IMMP2L: variants seen among roughly 807,000 people sequenced by gnomAD.
The protein encoded by IMMP2L is mitochondrial inner membrane protease subunit 2.
Under a neutral mutation model 19.3 loss-of-function variants are expected in IMMP2L, and 18 were observed. The observed-to-expected ratio is 0.93, with a 90% confidence interval of 0.64 to 1.38. IMMP2L has a LOEUF of 1.38. Ranked by LOEUF, IMMP2L falls within the 40% of genes most tolerant of loss-of-function variation. IMMP2L has a pLI of 0.00. For missense variants in IMMP2L, 233 were observed against 218.2 expected (o/e 1.07, Z -0.43); for synonymous variants, 76 against 73.0 (o/e 1.04, Z -0.21).
At chr7:110,883,611 T>C (rs1443971431) in intron 5 of IMMP2L, among the ~76,000 whole-genome samples, 3 of 152,182 alleles carry the variant, frequency 2.0e-5, no homozygotes, top group African/African-American at 4.8e-5. Context: ...GGTCACACTA[T>C]GATCACAAAC....
chr7:111,311,447 A>T (rs1823506087), intron 3 of IMMP2L, among the ~76,000 whole-genome samples: 1 of 152,124 alleles, frequency 6.6e-6, no homozygotes, highest in South Asian at 2.1e-4. Flanking sequence ...AGTGTCAAGT[A>T]AGAGCCATGT....
rs184383328 is a variant in IMMP2L, at chr7:111,498,163, T to C, written c.136-10822A>G. Among the ~76,000 whole-genome samples the C allele has an allele frequency of 1.3e-4, 20 of 152,170 alleles. No individual in the cohort carries two copies. The East Asian group carries it at 3.9e-3, about 29-fold the overall frequency. ...TTTAATTCAGGTCGCTACAACTAGA[T>C]TGCAAGGTTCAAATCTGCAAAGTTT... is the stretch of plus-strand genomic sequence containing the variant. On this transcript the variant is annotated intron_variant, in intron 2 of 5. Coordinates refer to ENST00000405709, the MANE Select transcript of IMMP2L (RefSeq NM_032549.4).
chr7:111,124,501 G>A (rs765184815), intron 3 of IMMP2L: 6 of 1,613,828 alleles, frequency 3.7e-6, no homozygotes, highest in Non-Finnish European at 5.1e-6. Flanking sequence ...TGATGTCAAG[G>A]TATATAATCT....
Position 110,900,930 on chromosome 7 carries a change from A to T in IMMP2L, c.306-14235T>A, listed in dbSNP as rs1477860982. On this transcript the variant is annotated intron_variant, in intron 4 of 5. Coordinates refer to ENST00000405709, the MANE Select transcript of IMMP2L (RefSeq NM_032549.4). ...GGCCTCATCGCCTCTTGCTCACTCC[A>T]CTGAAACCACACTGGCCTTTTCAAT... 3.3e-5 allele frequency among the ~76,000 whole-genome samples: 5 copies of T among 151,978 alleles called. No homozygotes were observed. In the South Asian group the frequency reaches 6.2e-4, roughly 19 times the overall value.
chr7:110,861,098 T>TGA (rs5886583), intron 5 of IMMP2L, among the ~76,000 whole-genome samples: 470 of 141,662 alleles, frequency 3.3e-3, no homozygotes, highest in Admixed American at 4.8e-3. Context: ...TGTGTGTGTG[T>TGA]GAGAGAGAGA....
At chr7:110,975,707 C>A (rs1051241421) in intron 3 of IMMP2L, among the ~76,000 whole-genome samples, 2 of 152,088 alleles carry the variant, frequency 1.3e-5, no homozygotes, top group Non-Finnish European at 2.9e-5. Flanking sequence ...TGAATGGTGG[C>A]TTTGGTGCTA....
intron 3 of IMMP2L, among the ~76,000 whole-genome samples, chr7:111,266,479 G>A (rs908318487): frequency 6.7e-6 from 1 of 150,204 alleles, no homozygotes; most frequent in Non-Finnish European, 1.5e-5. Context: ...GGAGACAGAG[G>A]TTGCAGCGAG....
intron 1 of IMMP2L, among the ~76,000 whole-genome samples, chr7:111,552,372 C>T (rs1402360629): frequency 1.3e-5 from 2 of 152,178 alleles, no homozygotes; most frequent in South Asian, 2.1e-4. Flanking sequence ...ACTGCAACTT[C>T]CACCTCCAGG....
intron 5 of IMMP2L, among the ~76,000 whole-genome samples, chr7:110,831,239 C>T (rs1374608815): frequency 1.3e-5 from 2 of 152,112 alleles, no homozygotes; most frequent in Non-Finnish European, 2.9e-5. Flanking sequence ...CCTCATCTTT[C>T]TTCTGCCTCC....
chr7:111,200,429 G>C (rs1472889641), intron 3 of IMMP2L, among the ~76,000 whole-genome samples: 1 of 151,962 alleles, frequency 6.6e-6, no homozygotes, highest in Non-Finnish European at 1.5e-5. Flanking sequence ...CACCATCAAA[G>C]TTTGCCCAAC....
chr7:110,945,967 G>A (rs956081898), intron 4 of IMMP2L, among the ~76,000 whole-genome samples: 1 of 152,156 alleles, frequency 6.6e-6, no homozygotes, highest in African/African-American at 2.4e-5. Flanking sequence ...GATCTAGAAT[G>A]TTCCAACCTA....
chr7:110,700,855 T>G (rs1794234166), intron 5 of IMMP2L, among the ~76,000 whole-genome samples: 1 of 152,258 alleles, frequency 6.6e-6, no homozygotes, highest in African/African-American at 2.4e-5. Context: ...TATTCCTATG[T>G]ACTGATATAG....
intron 1 of IMMP2L, among the ~76,000 whole-genome samples, chr7:111,535,444 A>G (rs1379590537): frequency 6.6e-6 from 1 of 152,164 alleles, no homozygotes; most frequent in Non-Finnish European, 1.5e-5. Context: ...AATCTCATTA[A>G]TATTCTTGAT....
intron 3 of IMMP2L, among the ~76,000 whole-genome samples, chr7:111,243,497 A>G (rs1212586839): frequency 2.2e-5 from 3 of 137,826 alleles, no homozygotes; most frequent in Non-Finnish European, 3.1e-5. Context: ...GTTCAACTCT[A>G]TATTTCTTGT....
At chr7:111,373,221 GA>G (rs986408390) in intron 3 of IMMP2L, among the ~76,000 whole-genome samples, 1 of 150,918 alleles carries the variant, frequency 6.6e-6, no homozygotes, top group African/African-American at 2.4e-5. Flanking sequence ...TAAAAGGAAA[GA>G]AAAAAATAAG....
chr7:111,501,994 G>C (rs1844319912), intron 2 of IMMP2L, among the ~76,000 whole-genome samples: 1 of 152,076 alleles, frequency 6.6e-6, no homozygotes, highest in Non-Finnish European at 1.5e-5. Context: ...AATGTAAATG[G>C]GCTAAATGCT....
At chr7:110,724,137 C>T (rs1260945482) in intron 5 of IMMP2L, 1 of 152,150 alleles carries the variant, frequency 6.6e-6, no homozygotes, top group African/African-American at 2.4e-5. Flanking sequence ...CAAGTTGTGG[C>T]TGTTGTCAAA....
intron 5 of IMMP2L, among the ~76,000 whole-genome samples, chr7:110,799,179 T>A (rs1801073821): frequency 6.6e-6 from 1 of 152,004 alleles, no homozygotes; most frequent in Admixed American, 6.6e-5. Flanking sequence ...AACATTGAGG[T>A]CTTTACAAAG....
At chr7:111,154,284 C>G (rs181507683) in intron 3 of IMMP2L, among the ~76,000 whole-genome samples, 2 of 152,122 alleles carry the variant, frequency 1.3e-5, no homozygotes, top group Admixed American at 1.3e-4. Context: ...AACTGGCTAG[C>G]TACTTATTTC....
Sources: allele counts gnomAD v4.1 joint callset (sites outside exome capture counted in the v4.1 genomes callset), GRCh38; gene constraint gnomAD v4.1.1; transcripts MANE v1.5; gene names NCBI Gene and HGNC (gene_info 2026-07-23, HGNC 2026-07-21).